The following MACROD2 variants were observed in gnomAD, a reference collection of about 807,000 sequenced individuals.
The protein encoded by MACROD2 is mono-ADP ribosylhydrolase 2.
MACROD2 carries 36 observed loss-of-function variants against 70.4 expected under a neutral mutation model. The observed-to-expected ratio is 0.51, with a 90% confidence interval of 0.39 to 0.68. The LOEUF is 0.68. MACROD2 is among the 30% of genes least tolerant of loss of function. MACROD2 has a pLI of 0.00. For synonymous variants in MACROD2, 172 were observed against 178.8 expected, an observed-to-expected ratio of 0.96 and a Z score of 0.30; for missense variants, 496 against 538.4, an observed-to-expected ratio of 0.92 and a Z score of 0.78.
chr20:14,918,107 G>A lies in MACROD2; in HGVS notation c.418+233148G>A, dbSNP rs143285440. Among the ~76,000 whole-genome samples the A allele has an allele frequency of 9.9e-5, 15 of 152,086 alleles. No individual in the cohort carries two copies. In the East Asian group the frequency reaches 2.5e-3, roughly 26 times the overall value. On this transcript the variant is annotated intron_variant, in intron 5 of 17. Coordinates refer to ENST00000684519, the MANE Select transcript of MACROD2 (RefSeq NM_001351661.2). Reference sequence around the variant, plus strand: ...TCCCATCTCAGCCTCACGAGTAGGTGGAACTACAGGCACACACCACCATCC... The same window carrying A: ...TCCCATCTCAGCCTCACGAGTAGGTAGAACTACAGGCACACACCACCATCC...
At chr20:15,720,667 T>C (rs141713047) in intron 8 of MACROD2, among the ~76,000 whole-genome samples, 20 of 152,312 alleles carry the variant, frequency 1.3e-4, no homozygotes, top group African/African-American at 4.8e-4. Flanking sequence ...CCCTGGACTA[T>C]TGGCAGTGAG....
At chr20:15,981,272 G>C (rs1483874916) in intron 13 of MACROD2, among the ~76,000 whole-genome samples, 2 of 152,148 alleles carry the variant, frequency 1.3e-5, no homozygotes, top group African/African-American at 2.4e-5. Flanking sequence ...TTACTGAATA[G>C]ATCTCTTTCT....
intron 8 of MACROD2, among the ~76,000 whole-genome samples, chr20:15,677,821 C>G (rs2050086732): frequency 6.6e-6 from 1 of 152,176 alleles, no homozygotes; most frequent in African/African-American, 2.4e-5. Flanking sequence ...GTAATCCCAG[C>G]ACTTGGGGAG....
intron 6 of MACROD2, among the ~76,000 whole-genome samples, chr20:15,384,304 C>A (rs560841119): frequency 6.6e-6 from 1 of 152,250 alleles, no homozygotes; most frequent in Admixed American, 6.5e-5. Context: ...GTCACCCAAG[C>A]TTGAGTGCAG....
chr20:14,710,434 G>T (rs527799142), intron 5 of MACROD2, among the ~76,000 whole-genome samples: 18 of 152,286 alleles, frequency 1.2e-4, no homozygotes, highest in African/African-American at 4.3e-4. Context: ...CATAGTAAGG[G>T]TGCAGTAAAT....
intron 3 of MACROD2, among the ~76,000 whole-genome samples, chr20:14,332,068 G>T (rs2082852587): frequency 6.6e-6 from 1 of 152,022 alleles, no homozygotes; most frequent in African/African-American, 2.4e-5. Context: ...TTTTTTAATG[G>T]AATCATTATT....
At chr20:15,417,613 A>AAAAAAG (rs1568791719) in intron 6 of MACROD2, among the ~76,000 whole-genome samples, 1 of 134,918 alleles carries the variant, frequency 7.4e-6, no homozygotes, top group African/African-American at 2.7e-5. Flanking sequence ...AAAAAAAAAA[A>AAAAAAG]AAAGAAAGAA....
intron 5 of MACROD2, among the ~76,000 whole-genome samples, chr20:15,122,469 A>G (rs1265751240): frequency 6.6e-6 from 1 of 152,186 alleles, no homozygotes; most frequent in Non-Finnish European, 1.5e-5. Flanking sequence ...TGGACTATCT[A>G]CTGGCATGAA....
intron 5 of MACROD2, among the ~76,000 whole-genome samples, chr20:15,137,557 T>G (rs2076159011): frequency 1.0e-5 from 1 of 97,914 alleles, no homozygotes; most frequent in African/African-American, 4.9e-5. Context: ...TGGGGACTGT[T>G]GTGGGGTGGG....
intron 5 of MACROD2, among the ~76,000 whole-genome samples, chr20:15,133,664 A>G (rs2076123264): frequency 6.6e-6 from 1 of 152,106 alleles, no homozygotes; most frequent in Non-Finnish European, 1.5e-5. Context: ...AGAGGAATTT[A>G]CCCTCAGCAA....
intron 8 of MACROD2, among the ~76,000 whole-genome samples, chr20:15,514,436 C>A (rs2047540656): frequency 6.6e-6 from 1 of 152,206 alleles, no homozygotes; most frequent in African/African-American, 2.4e-5. Context: ...AAGTACTTAT[C>A]ATTGTGTTAC....
chr20:14,353,664 A>G (rs2083145449), intron 3 of MACROD2, among the ~76,000 whole-genome samples: 3 of 152,190 alleles, frequency 2.0e-5, no homozygotes, highest in Admixed American at 6.5e-5. Context: ...CATTGACTCA[A>G]TAGCTTTCCT....
At chr20:14,232,024 G>T (rs1177318154) in intron 3 of MACROD2, among the ~76,000 whole-genome samples, 1 of 152,072 alleles carries the variant, frequency 6.6e-6, no homozygotes, top group Non-Finnish European at 1.5e-5. Context: ...TGAGTTCATT[G>T]TAGATTCTGG....
At chr20:15,501,433 T>A (rs978254471) in intron 8 of MACROD2, among the ~76,000 whole-genome samples, 3 of 152,202 alleles carry the variant, frequency 2.0e-5, no homozygotes, top group Non-Finnish European at 4.4e-5. Context: ...AGAATAAACA[T>A]GTTGGTCACA....
At chr20:14,301,145 C>T (rs561936821) in intron 3 of MACROD2, among the ~76,000 whole-genome samples, 2 of 152,116 alleles carry the variant, frequency 1.3e-5, no homozygotes, top group Non-Finnish European at 2.9e-5. Flanking sequence ...GATCACACAC[C>T]TAGTAGGTGG....
intron 2 of MACROD2, among the ~76,000 whole-genome samples, chr20:14,082,482 G>A (rs2423772): frequency 0.22 from 33,720 of 150,978 alleles, 3,978 homozygotes; most frequent in African/African-American, 0.29. Flanking sequence ...GTGAGCCACC[G>A]CGCCTGGCCC....
At chr20:15,808,154 G>A (rs372254159) in intron 8 of MACROD2, among the ~76,000 whole-genome samples, 321 of 152,188 alleles carry the variant, frequency 2.1e-3, no homozygotes, top group African/African-American at 6.3e-3. Context: ...CGGGGAGCTC[G>A]GCTCTTGAGA....
chr20:15,904,191 T>C (rs774566636), intron 10 of MACROD2, among the ~76,000 whole-genome samples: 25 of 152,154 alleles, frequency 1.6e-4, no homozygotes, highest in Non-Finnish European at 1.9e-4. Context: ...TTTGTGTTTG[T>C]TTGTTTTTTT....
intron 5 of MACROD2, among the ~76,000 whole-genome samples, chr20:15,116,299 A>C (rs6043099): frequency 0.029 from 4,360 of 152,188 alleles, 213 homozygotes; most frequent in African/African-American, 0.1. Context: ...CCTACTCAAC[A>C]TGAAGACCAT....
Sources: gnomAD v4.1 joint callset for allele counts (sites outside exome capture counted in the v4.1 genomes callset) on GRCh38, gnomAD v4.1.1 for gene constraint, MANE v1.5 for transcripts, NCBI Gene and HGNC (gene_info 2026-07-23, HGNC 2026-07-21) for gene names.